The following MYT1L variants were observed in gnomAD, a reference collection of about 807,000 sequenced individuals.
The protein encoded by MYT1L is myelin transcription factor 1 like, also known as myelin transcription factor 1-like protein.
MYT1L carries 12 observed loss-of-function variants against 126.7 expected under a neutral mutation model. That is an observed-to-expected ratio of 0.09 (90% CI 0.06 to 0.15). The LOEUF (loss-of-function observed/expected upper bound fraction) is 0.15. Among genes scored for constraint, MYT1L ranks in the 10% least tolerant of loss-of-function variants. The pLI is 1.00. For missense variants in MYT1L, 979 were observed against 1,585.2 expected, an observed-to-expected ratio of 0.62 and a Z score of 6.49; for synonymous variants, 541 against 604.2, an observed-to-expected ratio of 0.90 and a Z score of 1.53.
At chr2:1,903,046 G>A (rs2050564136) in intron 14 of MYT1L, 34 bp downstream of exon 14, 3 of 1,565,592 alleles carry the variant, frequency 1.9e-6, no homozygotes, top group Non-Finnish European at 2.6e-6. Flanking sequence ...CAATGGCAAC[G>A]TGTCTCTCAT....
At chr2:2,219,549 C>T (rs998440836) in intron 2 of MYT1L, among the ~76,000 whole-genome samples, 1 of 152,122 alleles carries the variant, frequency 6.6e-6, no homozygotes, top group Non-Finnish European at 1.5e-5. Flanking sequence ...AAATATTTGC[C>T]CTGGCATGCT....
intron 21 of MYT1L, among the ~76,000 whole-genome samples, chr2:1,820,462 G>C (rs955550062): frequency 6.6e-6 from 1 of 152,162 alleles, no homozygotes; most frequent in African/African-American, 2.4e-5. Context: ...ACAGCATCCA[G>C]TTGTTTAATC....
intron 2 of MYT1L, among the ~76,000 whole-genome samples, chr2:2,226,951 C>A (rs1175386045): frequency 6.6e-6 from 1 of 152,192 alleles, no homozygotes; most frequent in Non-Finnish European, 1.5e-5. Flanking sequence ...TACCCTTATT[C>A]TCTTATTTAG....
intron 4 of MYT1L, among the ~76,000 whole-genome samples, chr2:2,041,275 T>A (rs2067498322): frequency 6.6e-6 from 1 of 152,176 alleles, no homozygotes; most frequent in African/African-American, 2.4e-5. Flanking sequence ...CACATTTGAG[T>A]CTTGTCAAGG....
intron 2 of MYT1L, among the ~76,000 whole-genome samples, chr2:2,209,620 A>T (rs2093433827): frequency 1.3e-5 from 2 of 152,316 alleles, no homozygotes; most frequent in South Asian, 2.1e-4. Context: ...TTGTGTGCAT[A>T]CATATATTTT....
At chr2:2,191,039 C>T (rs1232543453) in intron 2 of MYT1L, among the ~76,000 whole-genome samples, 2 of 152,246 alleles carry the variant, frequency 1.3e-5, no homozygotes, top group Admixed American at 1.3e-4. Context: ...CCCGCCTCAA[C>T]CTCCCAAAGT....
At chr2:2,141,986 A>T (rs2084050959) in intron 3 of MYT1L, among the ~76,000 whole-genome samples, 1 of 152,238 alleles carries the variant, frequency 6.6e-6, no homozygotes, top group South Asian at 2.1e-4. Context: ...TCCTTCTCCC[A>T]CACGGGAAAG....
At chr2:2,281,211 G>A (rs895166071) in intron 2 of MYT1L, among the ~76,000 whole-genome samples, 1 of 152,134 alleles carries the variant, frequency 6.6e-6, no homozygotes, top group African/African-American at 2.4e-5. Context: ...TCCTTCCTGT[G>A]AAGAAGATGC....
At chr2:1,804,552 C>G (rs894507927) in intron 22 of MYT1L, among the ~76,000 whole-genome samples, 1 of 152,210 alleles carries the variant, frequency 6.6e-6, no homozygotes, top group African/African-American at 2.4e-5. Flanking sequence ...GAAAATCCAC[C>G]CACTGGACAC....
At chr2:1,920,957 G>C (rs189610033) in intron 10 of MYT1L, among the ~76,000 whole-genome samples, 2 of 152,242 alleles carry the variant, frequency 1.3e-5, no homozygotes, top group African/African-American at 4.8e-5. Flanking sequence ...GAGAGTCCCC[G>C]AGCCTCTGGC....
At chr2:2,098,844 T>C (rs1306510461) in intron 3 of MYT1L, among the ~76,000 whole-genome samples, 1 of 152,150 alleles carries the variant, frequency 6.6e-6, no homozygotes, top group Admixed American at 6.5e-5. Context: ...ACGGTGAAAT[T>C]AAGTGCAGTC....
chr2:1,991,617 C>G (rs980071389), intron 5 of MYT1L, among the ~76,000 whole-genome samples: 3 of 152,142 alleles, frequency 2.0e-5, no homozygotes, highest in Non-Finnish European at 2.9e-5. Flanking sequence ...AGGACCCACT[C>G]TCTCCCATCC....
At chr2:2,057,167 G>A (rs978912009) in intron 3 of MYT1L, among the ~76,000 whole-genome samples, 4 of 152,250 alleles carry the variant, frequency 2.6e-5, no homozygotes, top group African/African-American at 9.6e-5. Context: ...CTGTGTCTAT[G>A]ACCACAGTCA....
intron 4 of MYT1L, among the ~76,000 whole-genome samples, chr2:2,043,475 T>G (rs967192618): frequency 7.9e-5 from 12 of 152,190 alleles, no homozygotes; most frequent in African/African-American, 2.7e-4. Context: ...TTAACTTAAT[T>G]ACATTATTCC....
chr2:2,302,991 C>T (rs1573373167), intron 1 of MYT1L, among the ~76,000 whole-genome samples: 1 of 152,190 alleles, frequency 6.6e-6, no homozygotes, highest in African/African-American at 2.4e-5. Context: ...AATTATTCAA[C>T]TTACATTTAC....
At chr2:2,253,971 A>G (rs967939205) in intron 2 of MYT1L, among the ~76,000 whole-genome samples, 2 of 152,214 alleles carry the variant, frequency 1.3e-5, no homozygotes, top group African/African-American at 4.8e-5. Flanking sequence ...ATGCTCCAAA[A>G]TATACATAAA....
At chr2:2,177,391 T>G (rs960204251) in intron 2 of MYT1L, among the ~76,000 whole-genome samples, 3 of 152,208 alleles carry the variant, frequency 2.0e-5, no homozygotes, top group Non-Finnish European at 4.4e-5. Flanking sequence ...GACTGACCTA[T>G]AAGCACTGAC....
chr2:2,203,122 T>C (rs1254379849), intron 2 of MYT1L, among the ~76,000 whole-genome samples: 1 of 148,872 alleles, frequency 6.7e-6, no homozygotes, highest in Non-Finnish European at 1.5e-5. Context: ...GGGACGTATC[T>C]CAAAATAATA....
chr2:2,099,345 T>G (rs1003541038), intron 3 of MYT1L, among the ~76,000 whole-genome samples: 1 of 128,478 alleles, frequency 7.8e-6, no homozygotes, highest in Non-Finnish European at 1.8e-5. Flanking sequence ...ATGTCATTTG[T>G]TTTTTTTTTT....
Sources: allele counts gnomAD v4.1 joint callset (sites outside exome capture counted in the v4.1 genomes callset), GRCh38; gene constraint gnomAD v4.1.1; transcripts MANE v1.5; gene names NCBI Gene and HGNC (gene_info 2026-07-23, HGNC 2026-07-21).